KLHL1: variants seen among roughly 807,000 people sequenced by gnomAD.
KLHL1 encodes kelch like family member 1, also known as kelch-like protein 1.
A neutral mutation model predicts 77.7 loss-of-function variants in KLHL1; 47 were observed. The observed-to-expected ratio is 0.60, with a 90% confidence interval of 0.48 to 0.77. The LOEUF (loss-of-function observed/expected upper bound fraction) is 0.77. KLHL1 is among the 30% of genes least tolerant of loss of function. The pLI is 0.00. For synonymous variants in KLHL1, 360 were observed against 325.2 expected (o/e 1.11, Z -1.15); for missense variants, 925 against 910.8 (o/e 1.02, Z -0.20).
At chr13:69,736,066 A>C (rs755951939) in intron 8 of KLHL1, among the ~76,000 whole-genome samples, 15 of 152,224 alleles carry the variant, frequency 9.9e-5, no homozygotes, top group Admixed American at 3.3e-4. Context: ...AAAGTTCTGC[A>C]CAGCAAAAGA....
chr13:69,968,530 T>C (rs1884286077), intron 2 of KLHL1, among the ~76,000 whole-genome samples: 1 of 117,456 alleles, frequency 8.5e-6, no homozygotes, highest in Non-Finnish European at 1.8e-5. Flanking sequence ...GAAGGTATTA[T>C]GGGTTGAAAT....
chr13:70,048,076 G>A (rs187771308), intron 1 of KLHL1, among the ~76,000 whole-genome samples: 184 of 152,260 alleles, frequency 1.2e-3, no homozygotes, highest in Non-Finnish European at 2.0e-3. Flanking sequence ...ACTAGCATAG[G>A]TCACTCCAAA....
At chr13:70,000,336 A>G (rs1885256349) in intron 1 of KLHL1, among the ~76,000 whole-genome samples, 1 of 152,042 alleles carries the variant, frequency 6.6e-6, no homozygotes, top group African/African-American at 2.4e-5. Flanking sequence ...AAATGAAAGT[A>G]GCTAAAATGT....
chr13:69,843,437 G>A (rs754351358), intron 5 of KLHL1, among the ~76,000 whole-genome samples: 2 of 151,626 alleles, frequency 1.3e-5, no homozygotes, highest in Non-Finnish European at 3.0e-5. Flanking sequence ...GCATATGAAT[G>A]CAGAGAATAA....
intron 3 of KLHL1, among the ~76,000 whole-genome samples, chr13:69,958,855 TTAGATATC>T (rs1464662053): frequency 6.6e-6 from 1 of 152,006 alleles, no homozygotes; most frequent in Non-Finnish European, 1.5e-5. Flanking sequence ...AAGAAAAGTC[TTAGATATC>T]TGTCAGCTGG....
intron 8 of KLHL1, among the ~76,000 whole-genome samples, chr13:69,738,063 G>A (rs1047189586): frequency 4.6e-5 from 7 of 152,104 alleles, no homozygotes; most frequent in South Asian, 2.1e-4. Flanking sequence ...CTAGTCTGCC[G>A]CCTCCAATGA....
intron 1 of KLHL1, among the ~76,000 whole-genome samples, chr13:70,067,173 T>C: frequency 6.6e-6 from 1 of 152,174 alleles, no homozygotes. Context: ...TAAAACACAC[T>C]AATAAAAACT....
chr13:69,809,810 T>C (rs1208271180), intron 6 of KLHL1, among the ~76,000 whole-genome samples: 6 of 151,512 alleles, frequency 4.0e-5, no homozygotes, highest in African/African-American at 1.5e-4. Flanking sequence ...CAGAGACCCA[T>C]CTGATGTGTA....
rs1421833008 is a variant in KLHL1, at chr13:69,740,464, G to T, written c.1732C>A (p.Gln578Lys). The T allele has an allele frequency of 6.2e-7, 1 of 1,613,024 alleles. No homozygotes were observed. The highest frequency in any genetic ancestry group is 8.5e-7 in the Non-Finnish European group (1 of 1,179,272). ...NTVERWDPQSQQWTFVASMSI... is the reference protein window; with the variant it reads ...NTVERWDPQSKQWTFVASMSI... ...ATACTGGCTACAAATGTCCATTGTT[G>T]ACTCTGTGGATCCCACCTTTCCACT... The change falls in exon 8 of 11, where the codon CAA becomes AAA. Residue 578 changes from glutamine to lysine, a missense_variant. By Grantham distance (53) the Gln-to-Lys change is moderately conservative. Transcript: ENST00000377844.
chr13:69,930,369 C>T (rs1882962224), intron 4 of KLHL1, among the ~76,000 whole-genome samples: 1 of 151,816 alleles, frequency 6.6e-6, no homozygotes, highest in Non-Finnish European at 1.5e-5. Flanking sequence ...CTATTGACAA[C>T]TAAACCATTA....
chr13:69,945,325 A>T (rs919338087), intron 3 of KLHL1, among the ~76,000 whole-genome samples: 1 of 152,020 alleles, frequency 6.6e-6, no homozygotes, highest in African/African-American at 2.4e-5. Flanking sequence ...ATTTGATAAA[A>T]TATCAAAAAC....
chr13:70,088,212 AAAC>A (rs769282955), intron 1 of KLHL1, among the ~76,000 whole-genome samples: 35 of 152,234 alleles, frequency 2.3e-4, no homozygotes, highest in African/African-American at 5.1e-4. Context: ...TTGTATTATA[AAAC>A]AACAACAACA....
chr13:69,993,971 G>A (rs1472271969), intron 1 of KLHL1, among the ~76,000 whole-genome samples: 1 of 151,948 alleles, frequency 6.6e-6, no homozygotes, highest in Non-Finnish European at 1.5e-5. Context: ...CAAAGATTTG[G>A]GTCATTAACT....
At position 69,804,963 on chromosome 13, in the gene KLHL1, AT is replaced by A. The variant is rs1392140917; in HGVS notation, c.1415-8002del. Among the ~76,000 whole-genome samples, 5 of 152,124 alleles carry A rather than the reference AT, an allele frequency of 3.3e-5. No individual in the cohort carries two copies. The East Asian group carries it at 9.6e-4, about 29-fold the overall frequency. ...AAAACATCATTATAAAGAATTACTT[AT>A]TTTTTCAATGTTTTATAGTGTAAGC... is the stretch of plus-strand genomic sequence containing the variant. On this transcript the variant is annotated intron_variant, in intron 6 of 10. Coordinates refer to ENST00000377844, the MANE Select transcript of KLHL1 (RefSeq NM_020866.3).
chr13:70,017,840 T>C (rs1335520084), intron 1 of KLHL1, among the ~76,000 whole-genome samples: 1 of 152,212 alleles, frequency 6.6e-6, no homozygotes, highest in Non-Finnish European at 1.5e-5. Flanking sequence ...GAGTTCTTGC[T>C]GGATAGGGCA....
intron 1 of KLHL1, among the ~76,000 whole-genome samples, chr13:70,006,260 C>T (rs905656423): frequency 6.6e-6 from 1 of 151,838 alleles, no homozygotes; most frequent in Non-Finnish European, 1.5e-5. Flanking sequence ...TATCTATTTG[C>T]TTATAGATGG....
At chr13:70,095,003 T>G (rs1225092716) in intron 1 of KLHL1, among the ~76,000 whole-genome samples, 1 of 152,186 alleles carries the variant, frequency 6.6e-6, no homozygotes, top group Non-Finnish European at 1.5e-5. Context: ...AGTTTCTTCC[T>G]TATGTCTGAG....
chr13:70,095,781 TTCTA>T (rs2137447858), intron 1 of KLHL1, among the ~76,000 whole-genome samples: 1 of 152,218 alleles, frequency 6.6e-6, no homozygotes, highest in East Asian at 1.9e-4. Context: ...ATCTTATTCC[TTCTA>T]TCTAACTGTA....
At chr13:70,020,480 C>T (rs1311980018) in intron 1 of KLHL1, among the ~76,000 whole-genome samples, 1 of 152,028 alleles carries the variant, frequency 6.6e-6, no homozygotes, top group African/African-American at 2.4e-5. Flanking sequence ...TTTTCTCTGC[C>T]TTCATGTTAG....
Sources: allele counts gnomAD v4.1 joint callset (sites outside exome capture counted in the v4.1 genomes callset), GRCh38; gene constraint gnomAD v4.1.1; transcripts MANE v1.5; gene names NCBI Gene and HGNC (gene_info 2026-07-23, HGNC 2026-07-21).